The following PCDHGA4 variants were observed in gnomAD, a reference collection of about 807,000 sequenced individuals.
PCDHGA4 encodes protocadherin gamma subfamily A, 4.
Under a neutral mutation model 54.6 loss-of-function variants are expected in PCDHGA4, and 38 were observed. That is an observed-to-expected ratio of 0.70 (90% CI 0.54 to 0.91). PCDHGA4 has a LOEUF of 0.91. PCDHGA4 is among the 40% of genes least tolerant of loss of function. PCDHGA4 has a pLI of 0.00. For missense variants in PCDHGA4, 1,298 were observed against 1,220.9 expected (o/e 1.06, Z -0.94); for synonymous variants, 511 against 512.9 (o/e 1.00, Z 0.05).
At chr5:141,458,594 G>T (rs1226490392) in intron 1 of PCDHGA4, among the ~76,000 whole-genome samples, 1 of 151,612 alleles carries the variant, frequency 6.6e-6, no homozygotes, top group Non-Finnish European at 1.5e-5. Context: ...TTTTGGAGAC[G>T]AGTCTCACTC....
chr5:141,408,568 G>A (rs1282391205), intron 1 of PCDHGA4: 2 of 1,613,936 alleles, frequency 1.2e-6, no homozygotes, highest in African/African-American at 2.7e-5. Flanking sequence ...TCATTGTGGT[G>A]ATTGAGGATG....
At chr5:141,376,271 G>A (rs761909915) in intron 1 of PCDHGA4, 2 of 1,614,104 alleles carry the variant, frequency 1.2e-6, no homozygotes, top group African/African-American at 2.7e-5. Flanking sequence ...GGCTTCGGGA[G>A]GTGGCTTAGC....
chr5:141,486,617 C>A lies in PCDHGA4; in HGVS notation c.2515-8190C>A. On this transcript the variant is annotated intron_variant, in intron 1 of 3. Coordinates refer to ENST00000571252, the MANE Select transcript of PCDHGA4 (RefSeq NM_018917.4). The surrounding 1 kb of genome is among the most constrained non-coding windows in gnomAD (Gnocchi z 5.0). The stretch of plus-strand genomic sequence containing the variant: ...GCTTTGCTCCCTTGCAGCCTCTGAC[C>A]CAGACTCTGGCTTGAATGCGCTTAT... The A allele has an allele frequency of 1.2e-6, 2 of 1,613,602 alleles. No homozygotes were observed. The highest frequency in any genetic ancestry group is 2.2e-5 in the East Asian group (1 of 44,874).
rs749531855 is a variant in PCDHGA4 at position 141,356,378 on chromosome 5, C to T, written c.1271C>T (p.Thr424Ile). The T allele has an allele frequency of 1.3e-6, 2 of 1,565,028 alleles. No individual in the cohort carries two copies. The highest frequency in any genetic ancestry group is 2.3e-5 in the South Asian group (2 of 85,832). The stretch of plus-strand genomic sequence containing the variant: ...TCTATTCCAGATAATCTGCCATTCA[C>T]ACTTGAAAAGACCTATGGAAATTAT... The part of the protein sequence containing the change: ...TCSIPDNLPF[T>I]LEKTYGNYYR... Residue 424 changes from threonine (T) to isoleucine (I), a missense_variant, in exon 1 of 4, where the codon ACA becomes ATA. Coordinates refer to ENST00000571252, the MANE Select transcript of PCDHGA4 (RefSeq NM_018917.4).
At chr5:141,428,313 C>T in intron 1 of PCDHGA4, 1 of 671,482 alleles carries the variant, frequency 1.5e-6, no homozygotes, top group Non-Finnish European at 2.6e-6. Context: ...TGGTCGTGGC[C>T]TTGGCCTTGA....
chr5:141,355,941 C>G lies in PCDHGA4; in HGVS notation c.834C>G (p.Tyr278Ter), dbSNP rs780585950. The G allele has an allele frequency of 5.8e-5, 94 of 1,613,750 alleles. No homozygotes were observed. Among genetic ancestry groups the G allele is most frequent in the Non-Finnish European group, 1.7e-6 (2 of 1,179,870 alleles). Reference sequence around the variant, plus strand: ...CTCCCGTGTTCACTCAGCCCGAGTACCACGTAAGTGTTCGTGAGAACGTTC... The same window carrying G: ...CTCCCGTGTTCACTCAGCCCGAGTAGCACGTAAGTGTTCGTGAGAACGTTC... ...DNAPVFTQPE[Y>*]HVSVRENVPV... The change falls in exon 1 of 4, where the codon TAC becomes TAG. Residue 278 changes from tyrosine to a stop codon, truncating the protein, a stop_gained. Transcript: ENST00000571252. LOFTEE classifies it high-confidence loss of function.
rs1235728365 is a variant in PCDHGA4 at position 141,485,502 on chromosome 5, C to T, written c.2515-9305C>T. ...TGCATCGTGCCCCTGGAGTTTGTCACCGAAGGTCCTTTGGAAATGTACCGA... is the reference window on the plus strand; with the variant it reads ...TGCATCGTGCCCCTGGAGTTTGTCATCGAAGGTCCTTTGGAAATGTACCGA... On this transcript the variant is annotated intron_variant, in intron 1 of 3. Transcript: ENST00000571252. This position sits in a 1 kb window ranked among gnomAD's most constrained non-coding sequence, Gnocchi z 5.7. 2 of 1,614,114 alleles carry T rather than the reference C, an allele frequency of 1.2e-6. No homozygotes were observed. Among genetic ancestry groups the T allele is most frequent in the Non-Finnish European group, 8.5e-7 (1 of 1,180,044 alleles).
At chr5:141,421,613 A>G in intron 1 of PCDHGA4, 2 of 1,613,838 alleles carry the variant, frequency 1.2e-6, no homozygotes, top group South Asian at 2.2e-5. Flanking sequence ...GATATTAATG[A>G]TAACGCCCCC....
chr5:141,361,101 A>T (rs1561522618), intron 1 of PCDHGA4: 1 of 1,614,014 alleles, frequency 6.2e-7, no homozygotes, highest in Non-Finnish European at 8.5e-7. Context: ...TCGAAGCAAA[A>T]GATCCTGGAG....
chr5:141,485,095 TC>T lies in PCDHGA4; in HGVS notation c.2515-9710del, dbSNP rs1040164730. ...GCGCGGGGAAAGGGAGATAGGTGTCTCCAGCTGCTGTGGCTGTTTGGGGCGG... is the reference window on the plus strand; with the variant it reads ...GCGCGGGGAAAGGGAGATAGGTGTCTCAGCTGCTGTGGCTGTTTGGGGCGG... On this transcript the variant is annotated intron_variant, in intron 1 of 3. Coordinates refer to ENST00000571252, the MANE Select transcript of PCDHGA4 (RefSeq NM_018917.4). This position sits in a 1 kb window ranked among gnomAD's most constrained non-coding sequence, Gnocchi z 5.7. 6.8e-5 allele frequency: 76 copies of T among 1,115,798 alleles called. No homozygotes were observed. Among genetic ancestry groups the T allele is most frequent in the South Asian group, 4.6e-4 (33 of 71,042 alleles). The allele number at this position is 1,115,798 out of a possible 1,614,324, so 69.1% of individuals were successfully genotyped here. A position where few individuals can be genotyped will look rare whatever the true frequency, so the allele number is the denominator to read the frequency against.
intron 1 of PCDHGA4, chr5:141,389,539 A>G (rs762558713): frequency 6.2e-7 from 1 of 1,613,218 alleles, no homozygotes; most frequent in Non-Finnish European, 8.5e-7. Context: ...TTAGTGGACG[A>G]CCGCAACGAC....
chr5:141,410,090 C>A (rs369832481), intron 1 of PCDHGA4: 51 of 1,612,358 alleles, frequency 3.2e-5, no homozygotes, highest in Middle Eastern at 1.7e-4. Context: ...GCGCACGGCT[C>A]GAGCCTTAGG....
chr5:141,395,302 T>C, intron 1 of PCDHGA4: 1 of 1,516,670 alleles, frequency 6.6e-7, no homozygotes, highest in East Asian at 2.3e-5. Flanking sequence ...AATTATGTTT[T>C]GAAAAACATT....
intron 1 of PCDHGA4, chr5:141,419,517 G>A: frequency 6.2e-7 from 1 of 1,612,224 alleles, no homozygotes; most frequent in South Asian, 1.1e-5. Context: ...GTGTTGGTGG[G>A]CGACCGTAAC....
chr5:141,376,178 G>A (rs1249141559), intron 1 of PCDHGA4: 1 of 1,614,106 alleles, frequency 6.2e-7, no homozygotes, highest in Non-Finnish European at 8.5e-7. Context: ...GGCGGTGGCC[G>A]CGGTCTCCTG....
chr5:141,420,613 A>G (rs536307424), intron 1 of PCDHGA4, among the ~76,000 whole-genome samples: 53 of 152,194 alleles, frequency 3.5e-4, no homozygotes, highest in Non-Finnish European at 1.9e-4. Flanking sequence ...CAAGTATTTC[A>G]TCTTCATTTA....
At chr5:141,370,927 T>A in intron 1 of PCDHGA4, 2 of 1,613,940 alleles carry the variant, frequency 1.2e-6, no homozygotes, top group Non-Finnish European at 1.7e-6. Context: ...GATCCGCACT[T>A]CTCTTTGATT....
rs1476740920 is a variant in PCDHGA4, at chr5:141,443,326, A to AC, written c.2515-51481_2515-51480insC. Among the ~76,000 whole-genome samples the AC allele has an allele frequency of 3.3e-5, 5 of 151,792 alleles. No homozygotes were observed. The South Asian group carries it at 8.3e-4, about 25-fold the overall frequency. ...CAAAAACCCATCTCTACAAAAAAAA[A>AC]AAACAAAAATTAACAAGGTTTAGTG... On this transcript the variant is annotated intron_variant, in intron 1 of 3. Transcript: ENST00000571252.
chr5:141,485,426 C>T lies in PCDHGA4; in HGVS notation c.2515-9381C>T. 6.2e-7 allele frequency: 1 copy of T among 1,614,158 alleles called. No individual in the cohort carries two copies. Among genetic ancestry groups the T allele is most frequent in the South Asian group, 1.1e-5 (1 of 91,078 alleles). ...TGTGGATTTGGACAGCGGAGCCCTGCTCATCAAGAACCCAATCGACCGAGA... is the reference window on the plus strand; with the variant it reads ...TGTGGATTTGGACAGCGGAGCCCTGTTCATCAAGAACCCAATCGACCGAGA... On this transcript the variant is annotated intron_variant, in intron 1 of 3. Transcript: ENST00000571252. The surrounding 1 kb of genome is among the most constrained non-coding windows in gnomAD (Gnocchi z 5.7).
Sources: allele counts gnomAD v4.1 joint callset (sites outside exome capture counted in the v4.1 genomes callset), GRCh38; gene constraint gnomAD v4.1.1; non-coding constraint Gnocchi (gnomAD v3.1); transcripts MANE v1.5; gene names NCBI Gene and HGNC (gene_info 2026-07-23, HGNC 2026-07-21).